Variants in C1orf105 observed in about 807,000 individuals in gnomAD.
The protein encoded by C1orf105 is chromosome 1 open reading frame 105, also known as uncharacterized protein C1orf105.
Under a neutral mutation model 20.8 loss-of-function variants are expected in C1orf105, and 17 were observed. The observed-to-expected ratio is 0.82, with a 90% CI of 0.56 to 1.23. The LOEUF (loss-of-function observed/expected upper bound fraction) is 1.23, where lower values mean the gene tolerates loss of function less well. C1orf105 is among the 50% of genes most tolerant of loss of function. C1orf105 has a pLI of 0.00. For missense variants in C1orf105, 219 were observed against 213.5 expected, an observed-to-expected ratio of 1.03 and a Z score of -0.16; for synonymous variants, 72 against 72.1, an observed-to-expected ratio of 1.00 and a Z score of 0.01.
At chr1:172,442,019 T>C in intron 1 of C1orf105, 1 of 1,614,178 alleles carries the variant, frequency 6.2e-7, no homozygotes, top group South Asian at 1.1e-5. Context: ...AATGTCACCA[T>C]GATGAAGGCA....
intron 3 of C1orf105, among the ~76,000 whole-genome samples, chr1:172,453,421 T>C (rs927500786): frequency 6.6e-6 from 1 of 152,258 alleles, no homozygotes; most frequent in African/African-American, 2.4e-5. Flanking sequence ...GTGCATTACA[T>C]AGAATGAATT....
chr1:172,441,936 C>T, intron 1 of C1orf105: 2 of 1,614,198 alleles, frequency 1.2e-6, no homozygotes, highest in Non-Finnish European at 8.5e-7. Flanking sequence ...GTGTGACCCC[C>T]ACATAGCTCC....
Position 172,421,324 on chromosome 1 carries a change from G to GA in C1orf105, c.21+427dup, listed in dbSNP as rs951700840. 1.3e-4 allele frequency among the ~76,000 whole-genome samples: 20 copies of GA among 150,994 alleles called. No individual in the cohort carries two copies. In the East Asian group the frequency reaches 1.6e-3, roughly 12 times the overall value. On this transcript the variant is annotated intron_variant, in intron 1 of 6. Coordinates refer to ENST00000367727, the MANE Select transcript of C1orf105 (RefSeq NM_139240.4). ...ACAGGAAGTTAAGATTGCTGAGAAA[G>GA]AAAAAAAAACTTGTATAGACTTTTA...
chr1:172,442,905 C>T (rs1286041349), intron 1 of C1orf105: 1 of 323,650 alleles, frequency 3.1e-6, no homozygotes, highest in Non-Finnish European at 6.0e-6. Flanking sequence ...GTCAAATCAA[C>T]TCAGTTTACT....
chr1:172,465,210 TAAATA>T (rs1449559769), intron 5 of C1orf105, 84 bp from the exon 6 acceptor site: 2 of 552,270 alleles, frequency 3.6e-6, no homozygotes, highest in Non-Finnish European at 5.6e-6. Flanking sequence ...TAATAATAAA[TAAATA>T]AAAATAAAAA....
chr1:172,435,316 C>T (rs1350073064), intron 1 of C1orf105, among the ~76,000 whole-genome samples: 1 of 152,164 alleles, frequency 6.6e-6, no homozygotes, highest in African/African-American at 2.4e-5. Context: ...AGGCCAATAT[C>T]CCTGATGAAT....
At chr1:172,442,146 G>T in intron 1 of C1orf105, 2 of 1,614,184 alleles carry the variant, frequency 1.2e-6, no homozygotes, top group Non-Finnish European at 1.7e-6. Context: ...AGATGAGATG[G>T]CCTAACAGCA....
chr1:172,425,642 A>G (rs900783563), intron 1 of C1orf105, among the ~76,000 whole-genome samples: 1 of 152,114 alleles, frequency 6.6e-6, no homozygotes, highest in African/African-American at 2.4e-5. Context: ...ACTTTGCCCA[A>G]AATCAAAATT....
At position 172,462,234 on chromosome 1, in the gene C1orf105, T is replaced by C. The variant is rs147665535; in HGVS notation, c.330T>C (p.Cys110=). ...PDDPKASFEN[C]MSYRMSLHQP... ...ATCCAAAAGCATCCTTTGAGAATTG[T>C]ATGAGTTATAGGTAAGTCAACAATT... Residue 110 remains cysteine (C), a synonymous_variant, in exon 5 of 7, where the codon TGT becomes TGC. Transcript: ENST00000367727. 1.2e-4 allele frequency: 200 copies of C among 1,608,014 alleles called. 1 individual carries two copies. The African/African-American group carries it at 2.5e-3, about 20-fold the overall frequency.
At chr1:172,441,626 A>C in intron 1 of C1orf105, 1 of 1,083,192 alleles carries the variant, frequency 9.2e-7, no homozygotes, top group Non-Finnish European at 1.3e-6. Flanking sequence ...TTCTCTTACC[A>C]CAATGACATG....
intron 3 of C1orf105, among the ~76,000 whole-genome samples, chr1:172,451,805 G>A (rs1452604981): frequency 7.2e-6 from 1 of 138,162 alleles, no homozygotes. Context: ...TATTGAAATT[G>A]TTCTTTGAGC....
At chr1:172,444,124 G>C in intron 1 of C1orf105, 1 of 990,870 alleles carries the variant, frequency 1.0e-6, no homozygotes, top group South Asian at 4.7e-5. Context: ...CCCTTCCCCG[G>C]CTGGAACCAT....
At chr1:172,443,903 G>T in intron 1 of C1orf105, 3 of 953,336 alleles carry the variant, frequency 3.1e-6, no homozygotes, top group Non-Finnish European at 3.8e-6. Context: ...TTCCGCCGCC[G>T]CCCCTCACTC....
chr1:172,462,142 T>C, intron 4 of C1orf105, 36 bp from the exon 5 acceptor site: 3 of 1,487,556 alleles, frequency 2.0e-6, no homozygotes, highest in South Asian at 2.3e-5. Context: ...AAAATGCAGT[T>C]ACAGGCAACG....
chr1:172,441,602 G>T (rs2149168710), intron 1 of C1orf105: 9 of 792,120 alleles, frequency 1.1e-5, no homozygotes, highest in African/African-American at 5.2e-5. Flanking sequence ...CATTTTTTTT[G>T]GTTTTGATCT....
At chr1:172,441,316 C>G (rs1407624762) in intron 1 of C1orf105, 1 of 155,396 alleles carries the variant, frequency 6.4e-6, no homozygotes, top group African/African-American at 2.4e-5. Context: ...AATAAAAGAG[C>G]ATTAGCACAT....
At chr1:172,437,442 G>A (rs572109132) in intron 1 of C1orf105, among the ~76,000 whole-genome samples, 53 of 151,802 alleles carry the variant, frequency 3.5e-4, no homozygotes, top group Middle Eastern at 3.4e-3. Flanking sequence ...GCAGGGACAC[G>A]GATAAAGCTG....
At chr1:172,444,928 C>A in intron 1 of C1orf105, 145 bp from the exon 2 acceptor site, 2 of 548,520 alleles carry the variant, frequency 3.6e-6, no homozygotes, top group Non-Finnish European at 3.1e-6. Flanking sequence ...CACTTGGCTA[C>A]TTTATAGGAT....
At chr1:172,435,624 C>T (rs1475112198) in intron 1 of C1orf105, among the ~76,000 whole-genome samples, 1 of 152,150 alleles carries the variant, frequency 6.6e-6, no homozygotes, top group African/African-American at 2.4e-5. Flanking sequence ...TCATGACAAA[C>T]CCATAACCAA....
Sources: gnomAD v4.1 joint callset for allele counts (sites outside exome capture counted in the v4.1 genomes callset) on GRCh38, gnomAD v4.1.1 for gene constraint, MANE v1.5 for transcripts, NCBI Gene and HGNC (gene_info 2026-07-23, HGNC 2026-07-21) for gene names.